The following NGF variants were observed in gnomAD, a reference collection of about 807,000 sequenced individuals.
The protein encoded by NGF is beta-nerve growth factor.
In NGF, 4 loss-of-function variants were observed where a neutral mutation model predicts 12.8. That is an observed-to-expected ratio of 0.31 (90% CI 0.15 to 0.72). NGF has a LOEUF of 0.72. Among genes scored for constraint, NGF ranks in the 30% least tolerant of loss-of-function variants. The pLI is 0.69. For synonymous variants in NGF, 140 were observed against 130.0 expected (o/e 1.08, Z -0.52); for missense variants, 283 against 330.8 (o/e 0.86, Z 1.12).
At chr1:115,292,586 T>C (rs1297164512) in intron 2 of NGF, among the ~76,000 whole-genome samples, 2 of 152,202 alleles carry the variant, frequency 1.3e-5, no homozygotes, top group African/African-American at 4.8e-5. Flanking sequence ...ACTTGGGCTT[T>C]TGCAGCCAGT....
chr1:115,324,269 G>A (rs1448400822), intron 1 of NGF, among the ~76,000 whole-genome samples: 1 of 152,204 alleles, frequency 6.6e-6, no homozygotes, highest in Non-Finnish European at 1.5e-5. Context: ...ATAATGTCAT[G>A]TTTCTCATGT....
chr1:115,292,925 C>T (rs755459909), intron 2 of NGF, among the ~76,000 whole-genome samples: 27 of 151,484 alleles, frequency 1.8e-4, no homozygotes, highest in Non-Finnish European at 2.9e-4. Context: ...CAGGTACCAG[C>T]GCCTGTGGGG....
intron 1 of NGF, among the ~76,000 whole-genome samples, chr1:115,321,522 A>C (rs1478725932): frequency 1.3e-5 from 2 of 150,830 alleles, no homozygotes; most frequent in African/African-American, 4.9e-5. Context: ...GCAGTTCTTT[A>C]ATGTTTGCCG....
At chr1:115,307,068 A>G (rs1325269074) in intron 1 of NGF, among the ~76,000 whole-genome samples, 2 of 152,148 alleles carry the variant, frequency 1.3e-5, no homozygotes, top group African/African-American at 4.8e-5. Context: ...ATCAGCTTGG[A>G]GCTTGTTGAG....
At chr1:115,313,057 T>C (rs1486184629) in intron 1 of NGF, among the ~76,000 whole-genome samples, 2 of 152,210 alleles carry the variant, frequency 1.3e-5, no homozygotes, top group Admixed American at 1.3e-4. Flanking sequence ...GACCAATGCT[T>C]TGAAAATTGG....
intron 1 of NGF, among the ~76,000 whole-genome samples, chr1:115,303,995 T>C (rs1654123281): frequency 6.6e-6 from 1 of 152,192 alleles, no homozygotes; most frequent in African/African-American, 2.4e-5. Context: ...CTGGGGCTGT[T>C]TTTTTCCTTT....
chr1:115,298,881 T>C (rs946608212), intron 1 of NGF, among the ~76,000 whole-genome samples: 7 of 151,874 alleles, frequency 4.6e-5, no homozygotes, highest in Non-Finnish European at 8.8e-5. Flanking sequence ...AGATTAAGGA[T>C]GTGTTGTTGA....
intron 1 of NGF, among the ~76,000 whole-genome samples, chr1:115,312,864 C>T (rs974167373): frequency 3.3e-5 from 5 of 152,152 alleles, no homozygotes; most frequent in African/African-American, 7.2e-5. Context: ...TTAGAAACAG[C>T]TTTCTTTACT....
chr1:115,317,260 G>A (rs1039934884), intron 1 of NGF, among the ~76,000 whole-genome samples: 1 of 152,152 alleles, frequency 6.6e-6, no homozygotes, highest in Non-Finnish European at 1.5e-5. Flanking sequence ...AGCTGGGCAA[G>A]CAGTTCCATC....
intron 1 of NGF, among the ~76,000 whole-genome samples, chr1:115,302,521 A>G (rs555643612): frequency 1.1e-4 from 17 of 152,330 alleles, no homozygotes; most frequent in Admixed American, 2.0e-4. Flanking sequence ...AAAAAGAAAG[A>G]AAAAAACACA....
At chr1:115,309,027 C>T (rs1212516004) in intron 1 of NGF, among the ~76,000 whole-genome samples, 2 of 152,178 alleles carry the variant, frequency 1.3e-5, no homozygotes, top group African/African-American at 4.8e-5. Flanking sequence ...CTCCATTTAA[C>T]AGGAATGCTA....
At chr1:115,303,123 T>C (rs1654091215) in intron 1 of NGF, among the ~76,000 whole-genome samples, 1 of 151,712 alleles carries the variant, frequency 6.6e-6, no homozygotes, top group Admixed American at 6.6e-5. Flanking sequence ...TCACAACCAG[T>C]AGAACACTGT....
At chr1:115,292,035 A>G (rs966478027) in intron 2 of NGF, among the ~76,000 whole-genome samples, 3 of 152,196 alleles carry the variant, frequency 2.0e-5, no homozygotes, top group Middle Eastern at 3.2e-3. Context: ...CTCATTCGCC[A>G]CATTCTGAGA....
chr1:115,286,553 T>A lies in NGF; in HGVS notation c.243A>T (p.Arg81=). ...TAAACAGCACACGGGGTGAACGGAG[T>A]CGCCGCTTTTTAAACAGCCTGGGGT... is the stretch of plus-strand genomic sequence containing the variant. The part of the protein sequence containing the change: ...TVDPRLFKKR[R]LRSPRVLFST... The change falls in exon 3 of 3, where the codon CGA becomes CGT. Residue 81 remains arginine (R), a synonymous_variant. Transcript: ENST00000369512. 1 of 1,613,806 alleles carries A rather than the reference T, an allele frequency of 6.2e-7. No individual in the cohort carries two copies. The highest frequency in any genetic ancestry group is 8.5e-7 in the Non-Finnish European group (1 of 1,179,968).
intron 1 of NGF, among the ~76,000 whole-genome samples, chr1:115,325,467 C>A (rs551926545): frequency 6.6e-6 from 1 of 152,054 alleles, no homozygotes; most frequent in African/African-American, 2.4e-5. Flanking sequence ...TCCACCACCC[C>A]CTTTATGACC....
intron 1 of NGF, among the ~76,000 whole-genome samples, chr1:115,302,829 G>C (rs1654080498): frequency 6.6e-6 from 1 of 152,208 alleles, no homozygotes; most frequent in Admixed American, 6.5e-5. Flanking sequence ...CCTATCCTGT[G>C]TGGTTGTGCA....
chr1:115,302,754 G>C (rs12088144), intron 1 of NGF, among the ~76,000 whole-genome samples: 5,579 of 152,260 alleles, frequency 0.037, 179 homozygotes, highest in East Asian at 0.1. Context: ...GACTGCCACA[G>C]CTCCCTCTGT....
intron 1 of NGF, among the ~76,000 whole-genome samples, chr1:115,325,534 T>G (rs1262936129): frequency 6.6e-6 from 1 of 152,116 alleles, no homozygotes. Context: ...AAAATCACCT[T>G]CATTTAAGAA....
At chr1:115,337,211 G>A (rs2101061151) in intron 1 of NGF, among the ~76,000 whole-genome samples, 1 of 135,800 alleles carries the variant, frequency 7.4e-6, no homozygotes, top group Middle Eastern at 4.7e-3. Flanking sequence ...AGAAGAAAAA[G>A]TTCAAGCACG....
Sources: gnomAD v4.1 joint callset for allele counts (sites outside exome capture counted in the v4.1 genomes callset) on GRCh38, gnomAD v4.1.1 for gene constraint, MANE v1.5 for transcripts, NCBI Gene and HGNC (gene_info 2026-07-23, HGNC 2026-07-21) for gene names.